The following ALDH1A2 variants were observed in gnomAD, a reference collection of about 807,000 sequenced individuals.
ALDH1A2 encodes the protein aldehyde dehydrogenase 1 family member A2.
A neutral mutation model predicts 60.3 loss-of-function variants in ALDH1A2; 27 were observed. The ratio of observed to expected loss-of-function variants is 0.45; its 90% CI spans 0.33 to 0.62. The LOEUF is 0.62. ALDH1A2 is among the 20% of genes least tolerant of loss of function. The pLI is 0.02. For missense variants in ALDH1A2, 581 were observed against 643.8 expected (o/e 0.90, Z 1.06); for synonymous variants, 289 against 232.4 (o/e 1.24, Z -2.21).
chr15:58,021,460 G>A (rs952176067), intron 1 of ALDH1A2, among the ~76,000 whole-genome samples: 1 of 152,194 alleles, frequency 6.6e-6, no homozygotes, highest in Non-Finnish European at 1.5e-5. Context: ...GTGAGTGGGA[G>A]ACTTCCAGCA....
At chr15:58,061,973 C>A (rs994656325) in intron 1 of ALDH1A2, among the ~76,000 whole-genome samples, 1 of 152,096 alleles carries the variant, frequency 6.6e-6, no homozygotes, top group Admixed American at 6.5e-5. Context: ...TCCAGTCTAA[C>A]ACAGTGAAAA....
Position 58,065,668 on chromosome 15 carries a change from C to A in ALDH1A2, c.-18G>T. ...GAAGTCATGGTGGCGGGCCGGGTGT[C>A]CCTAGCCCGCGGCGTGGGGCAGTGC... On this transcript the variant is annotated 5_prime_UTR_variant, in exon 1 of 13. Coordinates refer to ENST00000249750, the MANE Select transcript of ALDH1A2 (RefSeq NM_003888.4). 6.5e-7 allele frequency: 1 copy of A among 1,549,752 alleles called. No individual in the cohort carries two copies. Among genetic ancestry groups the A allele is most frequent in the Non-Finnish European group, 8.7e-7 (1 of 1,142,866 alleles).
At chr15:57,998,780 AT>A (rs1895152393) in intron 4 of ALDH1A2, among the ~76,000 whole-genome samples, 1 of 152,172 alleles carries the variant, frequency 6.6e-6, no homozygotes, top group African/African-American at 2.4e-5. Context: ...TGGAGGCATC[AT>A]GCTACCTGAC....
intron 7 of ALDH1A2, among the ~76,000 whole-genome samples, chr15:57,988,105 C>T (rs1210008948): frequency 6.6e-6 from 1 of 151,952 alleles, no homozygotes; most frequent in African/African-American, 2.4e-5. Flanking sequence ...TATTCTTATT[C>T]AAAAAACAAA....
intron 7 of ALDH1A2, among the ~76,000 whole-genome samples, chr15:57,984,314 A>AT: frequency 6.6e-6 from 1 of 152,264 alleles, no homozygotes; most frequent in South Asian, 2.1e-4. Context: ...TTGGCTATTA[A>AT]TATCCAAAAT....
intron 1 of ALDH1A2, among the ~76,000 whole-genome samples, chr15:58,055,796 A>T (rs1265962266): frequency 6.6e-6 from 1 of 152,100 alleles, no homozygotes; most frequent in Non-Finnish European, 1.5e-5. Flanking sequence ...ACAAAATAAG[A>T]AGTAATGTTA....
intron 1 of ALDH1A2, among the ~76,000 whole-genome samples, chr15:58,015,247 C>T (rs182286210): frequency 8.9e-4 from 136 of 152,218 alleles, no homozygotes; most frequent in African/African-American, 2.8e-3. Context: ...TAGTGCCTGC[C>T]ATTTAAAAAA....
rs1893444810 is a variant in ALDH1A2 at position 57,954,342 on chromosome 15, G to A, written c.*855C>T. The stretch of plus-strand genomic sequence containing the variant: ...ATTATCAAATTCTTGGGCCTACTCG[G>A]ATTGTTTTTTGGTTGGTTCTAAGAA... On this transcript the variant is annotated 3_prime_UTR_variant, in exon 13 of 13. Transcript: ENST00000249750. The A allele has an allele frequency of 6.5e-6, 1 of 152,730 alleles. No individual in the cohort carries two copies. Among genetic ancestry groups the A allele is most frequent in the African/African-American group, 2.4e-5 (1 of 41,436 alleles). 9.5% of individuals were successfully genotyped at this position (152,730 alleles called of 1,614,324 possible).
chr15:57,990,497 A>G (rs553432961), intron 7 of ALDH1A2: 2 of 152,358 alleles, frequency 1.3e-5, no homozygotes, highest in African/African-American at 4.8e-5. Context: ...CAGCTGTTAA[A>G]AATAAATGCC....
chr15:57,956,325 T>C lies in ALDH1A2; in HGVS notation c.1485-1056A>G, dbSNP rs34898067. Among the ~76,000 whole-genome samples, 713 of 152,314 alleles carry C rather than the reference T, an allele frequency of 4.7e-3. 8 individuals are homozygous for C. The highest frequency in any genetic ancestry group is 0.017 in the African/African-American group (689 of 41,576). ...AAATAAAAACAATTAGGAGATATAT[T>C]TGAATATGAAACAATTAAATGATTA... On this transcript the variant is annotated intron_variant, in intron 12 of 12. Transcript: ENST00000249750.
intron 9 of ALDH1A2, among the ~76,000 whole-genome samples, chr15:57,963,012 C>T (rs35310911): frequency 0.015 from 2,268 of 152,228 alleles, 68 homozygotes; most frequent in African/African-American, 0.052. Flanking sequence ...CCTCCCCACC[C>T]CACTAAAGTA....
chr15:57,998,337 A>C (rs1225617050), intron 4 of ALDH1A2, among the ~76,000 whole-genome samples: 5 of 152,118 alleles, frequency 3.3e-5, no homozygotes, highest in African/African-American at 9.7e-5. Context: ...TAAGCTGATA[A>C]GCAACTTCAA....
chr15:58,058,519 C>A (rs1896950558), intron 1 of ALDH1A2, among the ~76,000 whole-genome samples: 1 of 145,314 alleles, frequency 6.9e-6, no homozygotes, highest in African/African-American at 2.5e-5. Flanking sequence ...ATTCAAAGTC[C>A]AATGAATAGA....
chr15:57,998,620 A>C (rs1338959400), intron 4 of ALDH1A2, among the ~76,000 whole-genome samples: 1 of 152,182 alleles, frequency 6.6e-6, no homozygotes, highest in African/African-American at 2.4e-5. Context: ...GAAAATGGCT[A>C]TAATGCCCAA....
Position 57,992,623 on chromosome 15 carries a change from T to G in ALDH1A2, c.798+82A>C, listed in dbSNP as rs1233666860. Reference sequence around the variant, plus strand: ...CACTGCCCTTTTGGTGTCTAGCCTATGGGTACTAGTTTTATTGTTTTTGTA... The same window carrying G: ...CACTGCCCTTTTGGTGTCTAGCCTAGGGGTACTAGTTTTATTGTTTTTGTA... On this transcript the variant is annotated intron_variant, in intron 7 of 12. Coordinates refer to ENST00000249750, the MANE Select transcript of ALDH1A2 (RefSeq NM_003888.4). The G allele has an allele frequency of 3.9e-6, 5 of 1,288,496 alleles. No individual in the cohort carries two copies. In the African/African-American group the frequency reaches 7.3e-5, roughly 19 times the overall value. 79.8% of individuals were successfully genotyped at this position (1,288,496 alleles called of 1,614,324 possible). A position where few individuals can be genotyped will look rare whatever the true frequency, so the allele number is the denominator to read the frequency against.
chr15:57,993,135 A>G, intron 5 of ALDH1A2, 62 bp from the exon 6 acceptor site: 2 of 1,587,360 alleles, frequency 1.3e-6, no homozygotes, highest in Non-Finnish European at 1.7e-6. Context: ...TTTGTTTTCA[A>G]GCTGTGACTT....
chr15:58,051,287 TTA>T (rs1566961247), intron 1 of ALDH1A2, among the ~76,000 whole-genome samples: 2 of 152,168 alleles, frequency 1.3e-5, no homozygotes, highest in African/African-American at 2.4e-5. Context: ...TGTGCATAAT[TTA>T]TAGAGTTCAT....
intron 1 of ALDH1A2, among the ~76,000 whole-genome samples, chr15:58,048,970 C>T (rs1440736521): frequency 1.3e-5 from 2 of 152,024 alleles, no homozygotes; most frequent in African/African-American, 4.8e-5. Flanking sequence ...TAATCCCTCC[C>T]TCTTACCCAC....
intron 1 of ALDH1A2, among the ~76,000 whole-genome samples, chr15:58,053,688 G>C (rs1173974535): frequency 6.6e-6 from 1 of 152,020 alleles, no homozygotes; most frequent in Non-Finnish European, 1.5e-5. Flanking sequence ...TGGAATTCCT[G>C]GTAATGATAC....
Sources: allele counts gnomAD v4.1 joint callset (sites outside exome capture counted in the v4.1 genomes callset), GRCh38; gene constraint gnomAD v4.1.1; transcripts MANE v1.5; gene names NCBI Gene and HGNC (gene_info 2026-07-23, HGNC 2026-07-21).